Variants in C5orf24 observed in about 807,000 individuals in gnomAD.
C5orf24 encodes chromosome 5 open reading frame 24, also known as UPF0461 protein C5orf24.
C5orf24 carries 4 observed loss-of-function variants against 9.8 expected under a neutral mutation model. The ratio of observed to expected loss-of-function variants is 0.41; its 90% CI spans 0.20 to 0.93. C5orf24 has a LOEUF of 0.93. Among genes scored for constraint, C5orf24 ranks in the 40% least tolerant of loss-of-function variants. The probability of loss-of-function intolerance (pLI) is 0.33; values close to 1 mark genes in which losing one functional copy is unlikely to be tolerated. For missense variants in C5orf24, 170 were observed against 236.9 expected, an observed-to-expected ratio of 0.72 and a Z score of 1.85; for synonymous variants, 73 against 81.3, an observed-to-expected ratio of 0.90 and a Z score of 0.55.
In C5orf24 at chr5:134,857,164, C is replaced by T. The variant is rs1675705656; in HGVS notation, c.*1697C>T. The T allele has an allele frequency of 5.4e-6, 7 of 1,285,248 alleles. No homozygotes were observed. In the South Asian group the frequency reaches 7.3e-5, roughly 13 times the overall value. The allele number at this position is 1,285,248 out of a possible 1,614,324, so 79.6% of individuals were successfully genotyped here. On this transcript the variant is annotated 3_prime_UTR_variant, in exon 2 of 2. Transcript: ENST00000394976. ...ATAAACTTCAGACTTGAAAAAATTC[C>T]ACTTAACTTTAAAGTTACAATGTTT...
chr5:134,834,860 T>C, the C5orf24 span, among the ~76,000 whole-genome samples: 1 of 151,818 alleles, frequency 6.6e-6, no homozygotes, highest in African/African-American at 2.4e-5. Flanking sequence ...GCCTGGCCAA[T>C]ATAGTAAAAC....
In C5orf24 at chr5:134,858,224, C is replaced by T. The variant is rs529574675; in HGVS notation, c.*2757C>T. The T allele has an allele frequency of 6.0e-6, 1 of 167,220 alleles. No homozygotes were observed. The highest frequency in any genetic ancestry group is 2.4e-5 in the African/African-American group (1 of 41,586). 10.4% of individuals were successfully genotyped at this position (167,220 alleles called of 1,614,324 possible). ...TGAGCGGTTACCTGGAGTATTATAT[C>T]TATGCACTGGTGAGCATCTCCTGAT... On this transcript the variant is annotated 3_prime_UTR_variant, in exon 2 of 2. Transcript: ENST00000394976.
rs1476979984 is a variant in C5orf24 at position 134,856,346 on chromosome 5, T to C, written c.*879T>C. On this transcript the variant is annotated 3_prime_UTR_variant, in exon 2 of 2. Coordinates refer to ENST00000394976, the MANE Select transcript of C5orf24 (RefSeq NM_001135586.1). ...CTTTCATATAGAAAGTTTTAAAGTA[T>C]TATGTTTAAAAACATTTATTGGCTG... 1.0e-6 allele frequency: 1 copy of C among 990,284 alleles called. No homozygotes were observed. Among genetic ancestry groups the C allele is most frequent in the Non-Finnish European group, 1.2e-6 (1 of 821,096 alleles). The allele number at this position is 990,284 out of a possible 1,614,324, so 61.3% of individuals were successfully genotyped here. A position where few individuals can be genotyped will look rare whatever the true frequency, so the allele number is the denominator to read the frequency against.
In C5orf24 at chr5:134,857,682, T is replaced by C. The variant is rs932378470; in HGVS notation, c.*2215T>C. 25 of 313,762 alleles carry C rather than the reference T, an allele frequency of 8.0e-5. No individual in the cohort carries two copies. Among genetic ancestry groups the C allele is most frequent in the Non-Finnish European group, 1.5e-4 (25 of 165,346 alleles). 19.4% of individuals were successfully genotyped at this position (313,762 alleles called of 1,614,324 possible). On this transcript the variant is annotated 3_prime_UTR_variant, in exon 2 of 2. Transcript: ENST00000394976. ...AATGCTTGCCTCTTTATTCATATGT[T>C]CGTTACCTACTCTGTACATGTATCT... is the stretch of plus-strand genomic sequence containing the variant.
chr5:134,850,940 A>G (rs1485202036), intron 1 of C5orf24, among the ~76,000 whole-genome samples: 3 of 144,006 alleles, frequency 2.1e-5, no homozygotes, highest in South Asian at 2.1e-4. Flanking sequence ...ATATATATAC[A>G]CACACACACA....
intron 1 of C5orf24, among the ~76,000 whole-genome samples, chr5:134,853,549 T>C (rs1199408000): frequency 4.8e-5 from 7 of 146,460 alleles, no homozygotes; most frequent in African/African-American, 1.0e-4. Flanking sequence ...TTTTTTTTTT[T>C]TTCTATTTCA....
upstream of C5orf24, among the ~76,000 whole-genome samples, chr5:134,841,964 T>A (rs1294221893): frequency 6.6e-6 from 1 of 152,104 alleles, no homozygotes; most frequent in Non-Finnish European, 1.5e-5. Flanking sequence ...TCTAAAAAAC[T>A]AGGACAGTGG....
intron 1 of C5orf24, among the ~76,000 whole-genome samples, chr5:134,853,892 C>T (rs760548902): frequency 9.2e-5 from 14 of 152,258 alleles, no homozygotes; most frequent in Non-Finnish European, 1.9e-4. Context: ...ACCAGCCTGA[C>T]CAACATGGTG....
upstream of C5orf24, among the ~76,000 whole-genome samples, chr5:134,842,722 A>C (rs1305911718): frequency 2.6e-5 from 4 of 152,022 alleles, no homozygotes; most frequent in Non-Finnish European, 5.9e-5. Context: ...TCTTGCTGAT[A>C]TTTCCTGGCT....
At chr5:134,845,322 C>G (rs930486369), upstream of C5orf24, among the ~76,000 whole-genome samples, 6 of 152,240 alleles carry the variant, frequency 3.9e-5, no homozygotes, top group Non-Finnish European at 7.3e-5. Context: ...CCTCTTCCCA[C>G]TGCTTAATAA....
the C5orf24 span, among the ~76,000 whole-genome samples, chr5:134,834,911 G>C: frequency 2.0e-5 from 3 of 152,164 alleles, no homozygotes; most frequent in Non-Finnish European, 4.4e-5. Context: ...CGGTGTAGTG[G>C]CATGTGCCTG....
the C5orf24 span, among the ~76,000 whole-genome samples, chr5:134,835,213 T>C: frequency 6.6e-6 from 1 of 151,430 alleles, no homozygotes; most frequent in East Asian, 2.0e-4. Flanking sequence ...TAAAAAAAAG[T>C]ATATCTGGGG....
At chr5:134,853,884 C>T (rs549757460) in intron 1 of C5orf24, among the ~76,000 whole-genome samples, 38 of 152,236 alleles carry the variant, frequency 2.5e-4, no homozygotes, top group Non-Finnish European at 4.1e-4. Flanking sequence ...AGTTCGAGAC[C>T]AGCCTGACCA....
At chr5:134,842,003 T>TA (rs1755900092), upstream of C5orf24, among the ~76,000 whole-genome samples, 1 of 152,180 alleles carries the variant, frequency 6.6e-6, no homozygotes, top group Admixed American at 6.6e-5. Context: ...CTGATTGCTT[T>TA]AATATGAGGT....
chr5:134,839,690 C>A, the C5orf24 span, among the ~76,000 whole-genome samples: 1 of 147,146 alleles, frequency 6.8e-6, no homozygotes, highest in Non-Finnish European at 1.5e-5. Flanking sequence ...AGTAACTTTA[C>A]CTTTTTTTTT....
At chr5:134,843,939 G>T (rs1755936303), upstream of C5orf24, among the ~76,000 whole-genome samples, 1 of 152,198 alleles carries the variant, frequency 6.6e-6, no homozygotes, top group South Asian at 2.1e-4. Flanking sequence ...CTTACATGTG[G>T]AAACTTTTGG....
chr5:134,850,992 ATATAT>A (rs916602656), intron 1 of C5orf24, among the ~76,000 whole-genome samples: 21 of 147,550 alleles, frequency 1.4e-4, no homozygotes, highest in Non-Finnish European at 2.8e-4. Context: ...ACAGAAATAC[ATATAT>A]TTATTTATTT....
intron 1 of C5orf24, among the ~76,000 whole-genome samples, chr5:134,851,000 ATTTATT>A (rs2150174215): frequency 1.4e-5 from 2 of 143,370 alleles, no homozygotes; most frequent in African/African-American, 5.6e-5. Context: ...ACATATATTT[ATTTATT>A]TATTTATTTA....
upstream of C5orf24, among the ~76,000 whole-genome samples, chr5:134,845,135 T>C (rs1755959744): frequency 1.3e-5 from 2 of 152,206 alleles, no homozygotes; most frequent in Non-Finnish European, 2.9e-5. Flanking sequence ...GCTTGTTTCG[T>C]GTGTTGTGTC....
Sources: gnomAD v4.1 joint callset for allele counts (sites outside exome capture counted in the v4.1 genomes callset) on GRCh38, gnomAD v4.1.1 for gene constraint, MANE v1.5 for transcripts, NCBI Gene and HGNC (gene_info 2026-07-23, HGNC 2026-07-21) for gene names.